Variants in ATG4B observed in about 807,000 individuals in gnomAD.
The protein encoded by ATG4B is autophagy related 4B cysteine peptidase.
Under a neutral mutation model 56.6 loss-of-function variants are expected in ATG4B, and 29 were observed. That is an observed-to-expected ratio of 0.51 (90% CI 0.38 to 0.70). The LOEUF (loss-of-function observed/expected upper bound fraction) is 0.70, where lower values mean the gene tolerates loss of function less well. Ranked by LOEUF, ATG4B falls within the 30% of genes least tolerant of loss-of-function variation. The pLI, the probability that ATG4B is intolerant of heterozygous loss-of-function variation, is 0.00. For synonymous variants in ATG4B, 224 were observed against 206.1 expected, an observed-to-expected ratio of 1.09 and a Z score of -0.74; for missense variants, 461 against 515.5, an observed-to-expected ratio of 0.89 and a Z score of 1.02.
chr2:241,666,458 TCTCTGGGTGGCAAGA>T, intron 7 of ATG4B, 172 bp from the exon 8 acceptor site: 1 of 631,598 alleles, frequency 1.6e-6, no homozygotes, highest in Admixed American at 2.9e-5. Flanking sequence ...ATTTCTTTTT[TCTCTGGGTGGCAAGA>T]TTATGAAAAA....
At chr2:241,658,661 A>G (rs917486235) in intron 6 of ATG4B, among the ~76,000 whole-genome samples, 1 of 152,012 alleles carries the variant, frequency 6.6e-6, no homozygotes, top group Non-Finnish European at 1.5e-5. Flanking sequence ...TAAGCTGCAG[A>G]TTTCTCTATA....
At chr2:241,656,853 G>T (rs953483578) in intron 6 of ATG4B, among the ~76,000 whole-genome samples, 1 of 152,226 alleles carries the variant, frequency 6.6e-6, no homozygotes, top group African/African-American at 2.4e-5. Flanking sequence ...TCGCTCTGTC[G>T]CCAGGCTGGA....
Position 241,648,095 on chromosome 2 carries a change from C to T in ATG4B, c.11-2915C>T, listed in dbSNP as rs367900125. On this transcript the variant is annotated intron_variant, in intron 1 of 12. Coordinates refer to ENST00000404914, the MANE Select transcript of ATG4B (RefSeq NM_013325.5). Reference sequence around the variant, plus strand: ...TGCCACTGCACTTCAGCCTGGGCAACAGAGTGAGACTCCATCACAAAAGAA... The same window carrying T: ...TGCCACTGCACTTCAGCCTGGGCAATAGAGTGAGACTCCATCACAAAAGAA... Among the ~76,000 whole-genome samples the T allele has an allele frequency of 1.0e-3, 157 of 152,162 alleles. 1 individual carries two copies. Among genetic ancestry groups the T allele is most frequent in the African/African-American group, 3.6e-3 (149 of 41,508 alleles).
chr2:241,647,731 C>T (rs555749050), intron 1 of ATG4B, among the ~76,000 whole-genome samples: 2 of 151,932 alleles, frequency 1.3e-5, no homozygotes, highest in South Asian at 2.1e-4. Flanking sequence ...ATAAAGCCTA[C>T]AGGTCAAAGA....
intron 3 of ATG4B, chr2:241,653,277 G>A: frequency 6.8e-7 from 1 of 1,470,858 alleles, no homozygotes; most frequent in Non-Finnish European, 9.3e-7. Flanking sequence ...CTCCGTGACT[G>A]ACTTGTTCAT....
At chr2:241,647,831 G>T (rs1032547594) in intron 1 of ATG4B, among the ~76,000 whole-genome samples, 6 of 151,660 alleles carry the variant, frequency 4.0e-5, no homozygotes, top group Non-Finnish European at 7.4e-5. Context: ...AGATAGGAGT[G>T]GGCCGGATGC....
chr2:241,646,834 A>G (rs2068075143), intron 1 of ATG4B, among the ~76,000 whole-genome samples: 1 of 148,396 alleles, frequency 6.7e-6, no homozygotes, highest in South Asian at 2.1e-4. Flanking sequence ...CTGGGCTGGA[A>G]TGCAGTGGCG....
rs747588646 is a variant in ATG4B, at chr2:241,671,420, G to A, written c.1108+15G>A. ...CCTGTCCCTAGGTGAGAGCTGCCAA[G>A]TCCAGGTGGGGTCCCTCGGAGGTAC... On this transcript the variant is annotated intron_variant, in intron 12 of 12. Transcript: ENST00000404914. 2 of 1,613,050 alleles carry A rather than the reference G, an allele frequency of 1.2e-6. No individual in the cohort carries two copies. Among genetic ancestry groups the A allele is most frequent in the South Asian group, 1.1e-5 (1 of 90,762 alleles).
chr2:241,653,990 G>GAAAAAAAAAA (rs34757883), intron 4 of ATG4B, among the ~76,000 whole-genome samples: 2 of 72,920 alleles, frequency 2.7e-5, no homozygotes, highest in African/African-American at 4.7e-5. Context: ...GACCCTATCT[G>GAAAAAAAAAA]AAAAAAAAAA....
At chr2:241,639,935 G>T (rs771641564) in intron 1 of ATG4B, among the ~76,000 whole-genome samples, 1 of 152,196 alleles carries the variant, frequency 6.6e-6, no homozygotes, top group African/African-American at 2.4e-5. Flanking sequence ...GAGACTCGTC[G>T]CTTGGCTTTC....
intron 7 of ATG4B, among the ~76,000 whole-genome samples, chr2:241,663,003 A>T (rs917351446): frequency 6.6e-6 from 1 of 152,222 alleles, no homozygotes; most frequent in African/African-American, 2.4e-5. Context: ...CGGGAGGCCA[A>T]GGTGGGTAGA....
chr2:241,653,275 C>G, intron 3 of ATG4B: 1 of 1,460,910 alleles, frequency 6.8e-7, no homozygotes, highest in Non-Finnish European at 9.4e-7. Flanking sequence ...TGCTCCGTGA[C>G]TGACTTGTTC....
rs184158288 is a variant in ATG4B at position 241,671,817 on chromosome 2, G to A, written c.1109-374G>A. On this transcript the variant is annotated intron_variant, in intron 12 of 12. Coordinates refer to ENST00000404914, the MANE Select transcript of ATG4B (RefSeq NM_013325.5). The stretch of plus-strand genomic sequence containing the variant: ...GTGCCGCAGGAGCCGGCCTGGGCTC[G>A]TGCAGTGAAGTGAGTGGCCGTGAGC... 1,282 of 1,274,080 alleles carry A rather than the reference G, an allele frequency of 1.0e-3. 12 individuals are homozygous for A. In the African/African-American group the frequency reaches 0.017, roughly 17 times the overall value. The allele number at this position is 1,274,080 out of a possible 1,614,324, so 78.9% of individuals were successfully genotyped here.
At chr2:241,641,091 A>G (rs1427322674) in intron 1 of ATG4B, among the ~76,000 whole-genome samples, 2 of 152,236 alleles carry the variant, frequency 1.3e-5, no homozygotes, top group South Asian at 2.1e-4. Context: ...CAAGCCAGCA[A>G]GGAGATGCCA....
At chr2:241,659,250 T>C (rs541604221) in intron 7 of ATG4B, 63 bp downstream of exon 7, 1 of 1,438,124 alleles carries the variant, frequency 7.0e-7, no homozygotes, top group South Asian at 1.2e-5. Context: ...ACACACTTCC[T>C]CGCCTGAGTC....
chr2:241,642,933 A>C (rs1043627357), intron 1 of ATG4B, among the ~76,000 whole-genome samples: 1 of 121,396 alleles, frequency 8.2e-6, no homozygotes, highest in Non-Finnish European at 1.6e-5. Flanking sequence ...GACTGGCTGG[A>C]GTGCAGTGGC....
rs552603809 is a variant in ATG4B at position 241,641,201 on chromosome 2, G to A, written c.10+3477G>A. Among the ~76,000 whole-genome samples the A allele has an allele frequency of 1.3e-3, 194 of 152,294 alleles. 1 individual carries two copies. The highest frequency in any genetic ancestry group is 4.4e-3 in the African/African-American group (182 of 41,542). ...TAGATTGGAAGTTGGGAGAGGGATGGGTAGAGAGGGAGGAGTTAAAGATGG... is the reference window on the plus strand; with the variant it reads ...TAGATTGGAAGTTGGGAGAGGGATGAGTAGAGAGGGAGGAGTTAAAGATGG... On this transcript the variant is annotated intron_variant, in intron 1 of 12. Transcript: ENST00000404914.
intron 10 of ATG4B, among the ~76,000 whole-genome samples, chr2:241,669,547 G>A (rs2068891814): frequency 1.3e-5 from 2 of 152,132 alleles, no homozygotes; most frequent in African/African-American, 4.8e-5. Context: ...TCACTCTGTC[G>A]CCCAGGCTGG....
At chr2:241,661,814 A>G (rs1041917743) in intron 7 of ATG4B, among the ~76,000 whole-genome samples, 3 of 151,700 alleles carry the variant, frequency 2.0e-5, no homozygotes, top group East Asian at 3.9e-4. Flanking sequence ...CATCCTTAGC[A>G]TGCTCTTCTT....
Sources: allele counts gnomAD v4.1 joint callset (sites outside exome capture counted in the v4.1 genomes callset), GRCh38; gene constraint gnomAD v4.1.1; transcripts MANE v1.5; gene names NCBI Gene and HGNC (gene_info 2026-07-23, HGNC 2026-07-21).